The following DNAH14 variants were observed in gnomAD, a reference collection of about 807,000 sequenced individuals.
The protein encoded by DNAH14 is axonemal beta dynein heavy chain 14.
Under a neutral mutation model 520.9 loss-of-function variants are expected in DNAH14, and 478 were observed. The observed-to-expected ratio is 0.92, with a 90% CI of 0.85 to 0.99. DNAH14 has a LOEUF of 0.99. Ranked by LOEUF, DNAH14 falls within the 50% of genes least tolerant of loss-of-function variation. The probability of loss-of-function intolerance (pLI) is 0.00; values close to 1 mark genes in which losing one functional copy is unlikely to be tolerated. For synonymous variants in DNAH14, 1,581 were observed against 1,757.2 expected (o/e 0.90, Z 2.51); for missense variants, 4,831 against 5,234.5 (o/e 0.92, Z 2.38).
intron 26 of DNAH14, among the ~76,000 whole-genome samples, chr1:225,119,761 C>T (rs1268121146): frequency 1.3e-5 from 2 of 152,174 alleles, no homozygotes; most frequent in Non-Finnish European, 2.9e-5. Context: ...AAAAAAACCT[C>T]AGAGCGTGAA....
chr1:225,349,710 A>T (rs1249621982), intron 71 of DNAH14, among the ~76,000 whole-genome samples: 1 of 152,192 alleles, frequency 6.6e-6, no homozygotes, highest in African/African-American at 2.4e-5. Flanking sequence ...AAAGACAGAC[A>T]TGAGATAATG....
chr1:225,197,623 G>C (rs1413550500), intron 38 of DNAH14, among the ~76,000 whole-genome samples: 1 of 152,100 alleles, frequency 6.6e-6, no homozygotes, highest in African/African-American at 2.4e-5. Flanking sequence ...TTTGTAGATT[G>C]CTTTTTTGGC....
Position 225,300,992 on chromosome 1 carries a change from A to G in DNAH14, c.8593A>G (p.Met2865Val). Residue 2865 changes from methionine (M) to valine (V), a missense_variant, in exon 56 of 86, where the codon ATG becomes GTG. Transcript: ENST00000682510. ...IRYLTEQSGH[M>V]DNRQSLLSFF... Reference sequence around the variant, plus strand: ...ATATCTTACTGAACAATCTGGTCATATGGATAATAGGCAATCTTTACTTTC... The same window carrying G: ...ATATCTTACTGAACAATCTGGTCATGTGGATAATAGGCAATCTTTACTTTC... 1 of 1,550,758 alleles carries G rather than the reference A, an allele frequency of 6.4e-7. No homozygotes were observed. The highest frequency in any genetic ancestry group is 8.7e-7 in the Non-Finnish European group (1 of 1,146,722).
chr1:225,032,561 C>T (rs562377594), intron 11 of DNAH14, among the ~76,000 whole-genome samples: 45 of 152,062 alleles, frequency 3.0e-4, no homozygotes, highest in Admixed American at 6.6e-4. Flanking sequence ...TGTGTCTTTA[C>T]GGTAGAATGC....
intron 20 of DNAH14, among the ~76,000 whole-genome samples, chr1:225,083,056 CA>C (rs2073327523): frequency 6.6e-6 from 1 of 151,842 alleles, no homozygotes; most frequent in African/African-American, 2.4e-5. Context: ...ATGGAAATAT[CA>C]AAACTATTGT....
Position 225,152,093 on chromosome 1 carries a change from GT to G in DNAH14, c.5009+21del. 6.5e-7 allele frequency: 1 copy of G among 1,539,766 alleles called. No homozygotes were observed. Among genetic ancestry groups the G allele is most frequent in the Non-Finnish European group, 8.8e-7 (1 of 1,140,050 alleles). ...TCCCAGGTAAGTATCAGTAAATCTAGTGGGAATAGACACAGACAAAAATCAT... is the reference window on the plus strand; with the variant it reads ...TCCCAGGTAAGTATCAGTAAATCTAGGGGAATAGACACAGACAAAAATCAT... On this transcript the variant is annotated intron_variant, in intron 32 of 85. Coordinates refer to ENST00000682510, the MANE Select transcript of DNAH14 (RefSeq NM_001367479.1).
chr1:225,325,750 C>A (rs1458531712), intron 64 of DNAH14, among the ~76,000 whole-genome samples: 5 of 152,152 alleles, frequency 3.3e-5, no homozygotes, highest in African/African-American at 1.2e-4. Context: ...AGTCTTCCCA[C>A]CCCTCACCTC....
At position 225,252,401 on chromosome 1, in the gene DNAH14, G is replaced by A. The variant is rs1275426027; in HGVS notation, c.6849G>A (p.Gln2283=). Residue 2283 remains glutamine, a synonymous_variant, in exon 44 of 86, where the codon CAG becomes CAA. Transcript: ENST00000682510. The part of the protein sequence containing the change: ...IPWSDLVPND[Q]TLIQRGTSLL... ...GGTCAGATTTAGTTCCTAATGATCAGACACTAATTCAAAGAGGTAAGAATA... is the reference window on the plus strand; with the variant it reads ...GGTCAGATTTAGTTCCTAATGATCAAACACTAATTCAAAGAGGTAAGAATA... 6.6e-7 allele frequency: 1 copy of A among 1,517,140 alleles called. No individual in the cohort carries two copies. 94.0% of individuals were successfully genotyped at this position (1,517,140 alleles called of 1,614,324 possible).
At chr1:225,346,765 T>C in intron 71 of DNAH14, 111 bp downstream of exon 71, 1 of 775,296 alleles carries the variant, frequency 1.3e-6, no homozygotes, top group Non-Finnish European at 2.0e-6. Flanking sequence ...TAAAAGTAGC[T>C]TGAGGTCAAG....
chr1:225,243,541 G>GT (rs1318383822), intron 43 of DNAH14, among the ~76,000 whole-genome samples: 1 of 152,068 alleles, frequency 6.6e-6, no homozygotes, highest in African/African-American at 2.4e-5. Context: ...AGATTTGAAT[G>GT]TAAGTGTTTA....
At chr1:225,196,864 T>G (rs1175511188) in intron 38 of DNAH14, among the ~76,000 whole-genome samples, 2 of 25,526 alleles carry the variant, frequency 7.8e-5, no homozygotes, top group Admixed American at 4.6e-4. Context: ...GGATTGGTTG[T>G]TTTTTTTCTT....
At chr1:224,986,367 A>G (rs914490984) in intron 8 of DNAH14, among the ~76,000 whole-genome samples, 1 of 151,868 alleles carries the variant, frequency 6.6e-6, no homozygotes, top group Admixed American at 6.6e-5. Flanking sequence ...TCCCTAAAAA[A>G]AAATGATGCA....
At chr1:225,072,935 T>C (rs1317004712) in intron 17 of DNAH14, among the ~76,000 whole-genome samples, 2 of 152,036 alleles carry the variant, frequency 1.3e-5, no homozygotes, top group Non-Finnish European at 2.9e-5. Context: ...CTGCAGGACA[T>C]GGCTGGAGAC....
At position 225,399,194 on chromosome 1, in the gene DNAH14, T is replaced by A; in HGVS notation, c.13779T>A (p.Tyr4593Ter). The A allele has an allele frequency of 1.3e-6, 2 of 1,551,754 alleles. No homozygotes were observed. The highest frequency in any genetic ancestry group is 1.7e-6 in the Non-Finnish European group (2 of 1,146,982). The part of the protein sequence containing the change: ...GLPTNFLTSV[Y>*]LSTKKPPSHW... ...CAACAAACTTTTTAACATCAGTGTATTTATCAACGAAGAAACCTCCTAGTC... is the reference window on the plus strand; with the variant it reads ...CAACAAACTTTTTAACATCAGTGTAATTATCAACGAAGAAACCTCCTAGTC... The change falls in exon 86 of 86, where the codon TAT becomes TAA. Residue 4593 changes from tyrosine (Y) to a stop codon, truncating the protein, a stop_gained. Transcript: ENST00000682510. LOFTEE classifies it high-confidence loss of function.
chr1:225,059,699 G>T (rs1488343386), intron 17 of DNAH14, among the ~76,000 whole-genome samples: 1 of 152,076 alleles, frequency 6.6e-6, no homozygotes, highest in East Asian at 1.9e-4. Context: ...GCTTCCTTCA[G>T]GAGCTCTTTT....
chr1:225,197,322 A>G (rs2086275531), intron 38 of DNAH14, among the ~76,000 whole-genome samples: 1 of 150,126 alleles, frequency 6.7e-6, no homozygotes, highest in South Asian at 2.1e-4. Context: ...TTATGTTTCT[A>G]TTTGCTTTGT....
chr1:225,036,648 T>A (rs558581315), intron 11 of DNAH14, among the ~76,000 whole-genome samples: 1 of 152,284 alleles, frequency 6.6e-6, no homozygotes, highest in African/African-American at 2.4e-5. Context: ...AGGCCTACTG[T>A]TTTACTGGGG....
At chr1:225,336,186 G>A (rs1250551750) in intron 66 of DNAH14, among the ~76,000 whole-genome samples, 3 of 149,188 alleles carry the variant, frequency 2.0e-5, no homozygotes, top group Non-Finnish European at 4.5e-5. Flanking sequence ...ATAAGACTAT[G>A]CAACAGTATA....
In DNAH14 at chr1:225,043,276, G is replaced by GAAAAAAAAAA. The variant is rs10671374; in HGVS notation, c.1768+174_1768+183dup. Among the ~76,000 whole-genome samples the GAAAAAAAAAA allele has an allele frequency of 2.0e-5, 2 of 98,166 alleles. 1 individual carries two copies. The allele number at this position is 98,166 out of a possible 152,430, so 64.4% of individuals were successfully genotyped here. On this transcript the variant is annotated intron_variant, in intron 13 of 85. Transcript: ENST00000682510. ...GAGACCTTGTCTCTTGTCTCTTGGG[G>GAAAAAAAAAA]AAAAAAAAAAAAAAAAAAAAAGAAT...
Sources: gnomAD v4.1 joint callset for allele counts (sites outside exome capture counted in the v4.1 genomes callset) on GRCh38, gnomAD v4.1.1 for gene constraint, MANE v1.5 for transcripts, NCBI Gene and HGNC (gene_info 2026-07-23, HGNC 2026-07-21) for gene names.